Variants in PSKH1 observed in about 807,000 individuals in gnomAD.
PSKH1 encodes the protein protein serine kinase H1.
In PSKH1, 12 loss-of-function variants were observed where a neutral mutation model predicts 26.7. The ratio of observed to expected loss-of-function variants is 0.45; its 90% CI spans 0.29 to 0.73. The LOEUF (loss-of-function observed/expected upper bound fraction) is 0.73, where lower values mean the gene tolerates loss of function less well. PSKH1 is among the 30% of genes least tolerant of loss of function. The pLI, the probability that PSKH1 is intolerant of heterozygous loss-of-function variation, is 0.11. For synonymous variants in PSKH1, 213 were observed against 234.3 expected (o/e 0.91, Z 0.83); for missense variants, 431 against 595.2 (o/e 0.72, Z 2.87).
Position 67,909,479 on chromosome 16 carries a change from A to G in PSKH1, c.730A>G (p.Ser244Gly). 1 of 1,613,504 alleles carries G rather than the reference A, an allele frequency of 6.2e-7. No individual in the cohort carries two copies. The highest frequency in any genetic ancestry group is 1.7e-5 in the Admixed American group (1 of 59,976). The change falls in exon 2 of 3, where the codon AGT (serine) becomes GGT (glycine). Residue 244 changes from serine to glycine, a missense_variant. By Grantham distance (56) the Ser-to-Gly change is moderately conservative. Coordinates refer to ENST00000291041, the MANE Select transcript of PSKH1 (RefSeq NM_006742.3). This position sits in a 1 kb window ranked among gnomAD's most constrained non-coding sequence, Gnocchi z 7.8. ...CATCATCACCGACTTCGGCCTGGCCAGTGCTCGCAAGAAGGGTGATGACTG... is the reference window on the plus strand; with the variant it reads ...CATCATCACCGACTTCGGCCTGGCCGGTGCTCGCAAGAAGGGTGATGACTG... ...KIIITDFGLA[S>G]ARKKGDDCLM...
At chr16:67,904,055 G>C (rs1373403296) in intron 1 of PSKH1, among the ~76,000 whole-genome samples, 2 of 138,264 alleles carry the variant, frequency 1.4e-5, no homozygotes, top group Admixed American at 1.5e-4. Flanking sequence ...TTGCTCTGTT[G>C]CCCAGGCTGG....
Position 67,909,887 on chromosome 16 carries a change from G to A in PSKH1, c.957+181G>A, listed in dbSNP as rs1462122407. ...TTTGGGTTCCCTCAAGGTGAGCCCTGAGACAAGGACTTGGGAGCAGATAGT... is the reference window on the plus strand; with the variant it reads ...TTTGGGTTCCCTCAAGGTGAGCCCTAAGACAAGGACTTGGGAGCAGATAGT... On this transcript the variant is annotated intron_variant, in intron 2 of 2. Transcript: ENST00000291041. This position sits in a 1 kb window ranked among gnomAD's most constrained non-coding sequence, Gnocchi z 7.8. 5 of 616,260 alleles carry A rather than the reference G, an allele frequency of 8.1e-6. No homozygotes were observed. Among genetic ancestry groups the A allele is most frequent in the Non-Finnish European group, 1.4e-5 (5 of 351,386 alleles). 38.2% of individuals were successfully genotyped at this position (616,260 alleles called of 1,614,324 possible).
At chr16:67,905,289 T>C (rs2058153206) in intron 1 of PSKH1, among the ~76,000 whole-genome samples, 1 of 152,160 alleles carries the variant, frequency 6.6e-6, no homozygotes. Context: ...ATAACCACCT[T>C]CTGCTGACCT....
chr16:67,910,254 G>A (rs1031780135), intron 2 of PSKH1, among the ~76,000 whole-genome samples: 6 of 152,292 alleles, frequency 3.9e-5, no homozygotes, highest in South Asian at 2.1e-4. Context: ...AGGCACTGGC[G>A]GTGGGAAGCT....
chr16:67,909,025 A>T lies in PSKH1; in HGVS notation c.276A>T (p.Pro92=). The change falls in exon 2 of 3, where the codon CCA becomes CCT. Residue 92 remains proline, a synonymous_variant. Transcript: ENST00000291041. This position sits in a 1 kb window ranked among gnomAD's most constrained non-coding sequence, Gnocchi z 7.8. ...CTAAGTACAGGGCCAAGTTTGACCC[A>T]CGTGTTACAGCTAAGTATGACATCA... ...RVAKYRAKFD[P]RVTAKYDIKA... The T allele has an allele frequency of 6.2e-7, 1 of 1,614,160 alleles. No individual in the cohort carries two copies. The highest frequency in any genetic ancestry group is 8.5e-7 in the Non-Finnish European group (1 of 1,180,026).
At position 67,929,586 on chromosome 16, in the gene PSKH1, A is replaced by C; in HGVS notation, c.*1944A>C. 4.1e-6 allele frequency: 1 copy of C among 241,330 alleles called. No individual in the cohort carries two copies. The allele number at this position is 241,330 out of a possible 1,614,324, so 14.9% of individuals were successfully genotyped here. On this transcript the variant is annotated 3_prime_UTR_variant, in exon 3 of 3. Transcript: ENST00000291041. ...CATGGCCTGTGGATGGAGAATGTGC[A>C]GTTATTTATTATGCGTATTCAGTTT...
At chr16:67,902,035 G>A (rs891138482) in intron 1 of PSKH1, among the ~76,000 whole-genome samples, 12 of 152,014 alleles carry the variant, frequency 7.9e-5, no homozygotes, top group Non-Finnish European at 1.5e-4. Context: ...GGAGGTGGGC[G>A]GATCACTTGA....
chr16:67,895,482 C>T (rs897866678), intron 1 of PSKH1, among the ~76,000 whole-genome samples: 2 of 151,386 alleles, frequency 1.3e-5, no homozygotes, highest in African/African-American at 2.4e-5. Flanking sequence ...GATCTCGGCT[C>T]ACTGCAACCT....
chr16:67,921,742 G>A (rs1258024102), intron 2 of PSKH1, among the ~76,000 whole-genome samples: 2 of 152,194 alleles, frequency 1.3e-5, no homozygotes, highest in African/African-American at 4.8e-5. Flanking sequence ...ATTGTTAAAA[G>A]CAGACATCGC....
chr16:67,896,116 CT>C (rs370574659), intron 1 of PSKH1, among the ~76,000 whole-genome samples: 7,521 of 146,408 alleles, frequency 0.051, 538 homozygotes, highest in African/African-American at 0.17. Context: ...TTTTTCTTTT[CT>C]TTTTTTTTTT....
intron 1 of PSKH1, among the ~76,000 whole-genome samples, chr16:67,905,463 A>G (rs986211949): frequency 1.3e-4 from 20 of 152,194 alleles, no homozygotes; most frequent in African/African-American, 4.8e-4. Flanking sequence ...TTCAAAATTC[A>G]GCATAGAGGT....
At chr16:67,919,739 C>T (rs973589870) in intron 2 of PSKH1, among the ~76,000 whole-genome samples, 1 of 152,172 alleles carries the variant, frequency 6.6e-6, no homozygotes, top group Admixed American at 6.5e-5. Context: ...TGGTTGGAGA[C>T]CTCTGGCAGG....
chr16:67,908,924 G>A lies in PSKH1; in HGVS notation c.175G>A (p.Ala59Thr). Residue 59 changes from alanine to threonine, a missense_variant, in exon 2 of 3, where the codon GCA becomes ACA. Ala to Thr is a moderately conservative substitution (Grantham distance 58). Coordinates refer to ENST00000291041, the MANE Select transcript of PSKH1 (RefSeq NM_006742.3). ...KAGFPAASQY[A>T]HPCPGPPTAG... ...CGGGTTCCCAGCAGCAAGTCAGTATGCACACCCCTGCCCCGGTCCCCCGAC... is the reference window on the plus strand; with the variant it reads ...CGGGTTCCCAGCAGCAAGTCAGTATACACACCCCTGCCCCGGTCCCCCGAC... The A allele has an allele frequency of 6.2e-7, 1 of 1,614,114 alleles. No individual in the cohort carries two copies. Among genetic ancestry groups the A allele is most frequent in the Non-Finnish European group, 8.5e-7 (1 of 1,180,002 alleles).
Position 67,912,667 on chromosome 16 carries a change from G to A in PSKH1, c.957+2961G>A, listed in dbSNP as rs7188457. On this transcript the variant is annotated intron_variant, in intron 2 of 2. Transcript: ENST00000291041. Reference sequence around the variant, plus strand: ...GCAGATCACCTGAGGTTGGGAGTTCGAGACCAGCCTGACCAACATGGTGAA... The same window carrying A: ...GCAGATCACCTGAGGTTGGGAGTTCAAGACCAGCCTGACCAACATGGTGAA... Among the ~76,000 whole-genome samples, 458 of 152,190 alleles carry A rather than the reference G, an allele frequency of 3.0e-3. 1 individual carries two copies. The highest frequency in any genetic ancestry group is 0.011 in the African/African-American group (440 of 41,502).
chr16:67,909,793 C>G lies in PSKH1; in HGVS notation c.957+87C>G, dbSNP rs766139822. ...TGCAGCTCTCAGTCAGAGGTATGTC[C>G]TCAGGGCCATGCTCGTGAGGGCCAG... is the stretch of plus-strand genomic sequence containing the variant. On this transcript the variant is annotated intron_variant, in intron 2 of 2. Coordinates refer to ENST00000291041, the MANE Select transcript of PSKH1 (RefSeq NM_006742.3). The surrounding 1 kb of genome is among the most constrained non-coding windows in gnomAD (Gnocchi z 7.8). 26 of 1,258,938 alleles carry G rather than the reference C, an allele frequency of 2.1e-5. No individual in the cohort carries two copies. In the South Asian group the frequency reaches 2.1e-4, roughly 10 times the overall value. 78.0% of individuals were successfully genotyped at this position (1,258,938 alleles called of 1,614,324 possible). A position where few individuals can be genotyped will look rare whatever the true frequency, so the allele number is the denominator to read the frequency against.
At chr16:67,917,181 TC>T (rs1310701157) in intron 2 of PSKH1, among the ~76,000 whole-genome samples, 3 of 152,164 alleles carry the variant, frequency 2.0e-5, no homozygotes, top group Non-Finnish European at 4.4e-5. Context: ...TGGTACGTAA[TC>T]CCCCACCTTA....
At chr16:67,902,698 A>T (rs999978470) in intron 1 of PSKH1, among the ~76,000 whole-genome samples, 2 of 152,180 alleles carry the variant, frequency 1.3e-5, no homozygotes, top group Non-Finnish European at 2.9e-5. Context: ...GTGCCTGTAG[A>T]TGACTGTTTA....
rs1456587342 is a variant in PSKH1 at position 67,893,951 on chromosome 16, A to C, written c.-71+580A>C. On this transcript the variant is annotated intron_variant, in intron 1 of 2. Transcript: ENST00000291041. ...GTGATAATTCCCACCTGAAAATCTG[A>C]GTAAGTCCTTCACTGCCTGAAACTA... Among the ~76,000 whole-genome samples, 3 of 152,148 alleles carry C rather than the reference A, an allele frequency of 2.0e-5. No homozygotes were observed. In the East Asian group the frequency reaches 5.8e-4, roughly 29 times the overall value.
Position 67,912,485 on chromosome 16 carries a change from C to T in PSKH1, c.957+2779C>T, listed in dbSNP as rs565283798. On this transcript the variant is annotated intron_variant, in intron 2 of 2. Coordinates refer to ENST00000291041, the MANE Select transcript of PSKH1 (RefSeq NM_006742.3). ...ATCCTGATGATGATCCCCTCAGTAA[C>T]GTTGGGGCAATGCCTTGATGTTTAC... 2.6e-5 allele frequency among the ~76,000 whole-genome samples: 4 copies of T among 152,282 alleles called. No homozygotes were observed. The South Asian group carries it at 6.2e-4, about 24-fold the overall frequency.
Sources: gnomAD v4.1 joint callset for allele counts (sites outside exome capture counted in the v4.1 genomes callset) on GRCh38, gnomAD v4.1.1 for gene constraint, Gnocchi (gnomAD v3.1) non-coding constraint, MANE v1.5 for transcripts, NCBI Gene and HGNC (gene_info 2026-07-23, HGNC 2026-07-21) for gene names.